Variants in RNF34 observed in about 807,000 individuals in gnomAD.
RNF34 encodes the protein E3 ubiquitin-protein ligase RNF34.
In RNF34, 12 loss-of-function variants were observed where a neutral mutation model predicts 37.9. The observed-to-expected ratio is 0.32, with a 90% CI of 0.20 to 0.51. The LOEUF is 0.51. Among genes scored for constraint, RNF34 ranks in the 20% least tolerant of loss-of-function variants. The pLI, the probability that RNF34 is intolerant of heterozygous loss-of-function variation, is 0.97. For missense variants in RNF34, 362 were observed against 472.7 expected (o/e 0.77, Z 2.17); for synonymous variants, 155 against 177.2 (o/e 0.87, Z 1.00).
intron 3 of RNF34, among the ~76,000 whole-genome samples, chr12:121,418,927 G>A (rs1428859135): frequency 6.6e-6 from 1 of 152,090 alleles, no homozygotes; most frequent in Non-Finnish European, 1.5e-5. Context: ...GGCTGGTCTC[G>A]AATACCTGAC....
chr12:121,423,729 G>T lies in RNF34; in HGVS notation c.*153G>T. ...GGGACAGAAAGATCCATCCTGAGTT[G>T]TGGAAACATTGGTCCATGCCGTGAG... On this transcript the variant is annotated 3_prime_UTR_variant, in exon 6 of 6. Coordinates refer to ENST00000361234, the MANE Select transcript of RNF34 (RefSeq NM_025126.4). This position sits in a 1 kb window ranked among gnomAD's most constrained non-coding sequence, Gnocchi z 4.3. 1 of 696,266 alleles carries T rather than the reference G, an allele frequency of 1.4e-6. No homozygotes were observed. The highest frequency in any genetic ancestry group is 2.9e-5 in the East Asian group (1 of 34,504). The allele number at this position is 696,266 out of a possible 1,614,324, so 43.1% of individuals were successfully genotyped here. A position where few individuals can be genotyped will look rare whatever the true frequency, so the allele number is the denominator to read the frequency against.
chr12:121,406,283 A>AGTTGTTGTTGTTGTTGTTGTT (rs79540358), intron 1 of RNF34, among the ~76,000 whole-genome samples: 9,116 of 150,536 alleles, frequency 0.061, 313 homozygotes, highest in Middle Eastern at 0.082. Context: ...GGAATGTGTA[A>AGTTGTTGTTGTTGTTGTTGTT]GTTGTTGTTG....
chr12:121,423,142 C>T lies in RNF34; in HGVS notation c.929-244C>T, dbSNP rs1872308470. 6.6e-6 allele frequency among the ~76,000 whole-genome samples: 1 copy of T among 152,202 alleles called. No homozygotes were observed. ...ATATAAAATAGAAATACATAGCTAA[C>T]ATTTGTTGGGTACGTCAAGCATTTT... On this transcript the variant is annotated intron_variant, in intron 5 of 5. Transcript: ENST00000361234. The surrounding 1 kb of genome is among the most constrained non-coding windows in gnomAD (Gnocchi z 4.3).
chr12:121,401,354 C>CAAAAAAAAA (rs563285897), intron 1 of RNF34, among the ~76,000 whole-genome samples: 4,623 of 76,390 alleles, frequency 0.061, 383 homozygotes, highest in African/African-American at 0.079. Context: ...CTATAGGTAT[C>CAAAAAAAAA]AAAAAAAAAA....
intron 5 of RNF34, among the ~76,000 whole-genome samples, chr12:121,421,457 G>A (rs185216751): frequency 2.0e-5 from 3 of 151,572 alleles, no homozygotes; most frequent in Non-Finnish European, 4.4e-5. Flanking sequence ...GGAGGCTGAG[G>A]GGGGAGGATT....
chr12:121,403,007 G>A (rs1483714389), intron 1 of RNF34, among the ~76,000 whole-genome samples: 3 of 152,180 alleles, frequency 2.0e-5, no homozygotes, highest in Non-Finnish European at 4.4e-5. Flanking sequence ...CTAAGAAAGA[G>A]TTAGGTCCCT....
At chr12:121,416,031 C>G in intron 1 of RNF34, 128 bp from the exon 2 acceptor site, 1 of 682,126 alleles carries the variant, frequency 1.5e-6, no homozygotes, top group African/African-American at 1.8e-5. Flanking sequence ...ATTTCAGTGC[C>G]CAGAGGAATA....
chr12:121,417,594 C>A lies in RNF34; in HGVS notation c.316C>A (p.Gln106Lys), dbSNP rs782614643. ...LRRCSTCHLL[Q>K]ETAFQRPQLM... ...TAGATGTTCTACTTGTCACTTATTA[C>A]AAGAGACAGCATTTCAGCGCCCTCA... Residue 106 changes from glutamine to lysine, a missense_variant, in exon 3 of 6, where the codon CAA becomes AAA. By Grantham distance (53) the Gln-to-Lys change is moderately conservative. Coordinates refer to ENST00000361234, the MANE Select transcript of RNF34 (RefSeq NM_025126.4). The surrounding 1 kb of genome is among the most constrained non-coding windows in gnomAD (Gnocchi z 5.0). 1.2e-6 allele frequency: 2 copies of A among 1,613,674 alleles called. No homozygotes were observed. The highest frequency in any genetic ancestry group is 1.1e-5 in the South Asian group (1 of 91,078).
At chr12:121,421,391 A>C (rs1010019907) in intron 5 of RNF34, among the ~76,000 whole-genome samples, 3 of 149,846 alleles carry the variant, frequency 2.0e-5, no homozygotes, top group Non-Finnish European at 3.0e-5. Context: ...AAAAAAAAAA[A>C]AAAAAAACCA....
chr12:121,421,458 G>T (rs868939634), intron 5 of RNF34, among the ~76,000 whole-genome samples: 15 of 151,390 alleles, frequency 9.9e-5, no homozygotes, highest in Middle Eastern at 3.4e-3. Flanking sequence ...GAGGCTGAGG[G>T]GGGAGGATTG....
chr12:121,422,625 G>A (rs1374777966), intron 5 of RNF34, among the ~76,000 whole-genome samples: 1 of 152,172 alleles, frequency 6.6e-6, no homozygotes, highest in Admixed American at 6.5e-5. Context: ...TTGAATTCCT[G>A]TTCTGTTCCA....
At chr12:121,419,012 CTT>C (rs2137118785) in intron 3 of RNF34, among the ~76,000 whole-genome samples, 1 of 152,228 alleles carries the variant, frequency 6.6e-6, no homozygotes, top group African/African-American at 2.4e-5. Context: ...CCAAGAGTGT[CTT>C]TTAATTAGTA....
chr12:121,406,827 C>A (rs782187277), intron 1 of RNF34, among the ~76,000 whole-genome samples: 1 of 152,190 alleles, frequency 6.6e-6, no homozygotes, highest in Non-Finnish European at 1.5e-5. Flanking sequence ...ACAGTTGCCT[C>A]ATTCTCTTAT....
At position 121,422,721 on chromosome 12, in the gene RNF34, G is replaced by A. The variant is rs1383084663; in HGVS notation, c.929-665G>A. Among the ~76,000 whole-genome samples the A allele has an allele frequency of 7.2e-5, 11 of 152,140 alleles. No individual in the cohort carries two copies. The East Asian group carries it at 2.1e-3, about 29-fold the overall frequency. On this transcript the variant is annotated intron_variant, in intron 5 of 5. Coordinates refer to ENST00000361234, the MANE Select transcript of RNF34 (RefSeq NM_025126.4). Reference sequence around the variant, plus strand: ...AGCCCTATGGCCAAATCTCAGGCTGGGGTTAACTTTTTTTTAACTTATTCA... The same window carrying A: ...AGCCCTATGGCCAAATCTCAGGCTGAGGTTAACTTTTTTTTAACTTATTCA...
At chr12:121,415,842 T>G (rs1555282080) in intron 1 of RNF34, among the ~76,000 whole-genome samples, 1 of 140,056 alleles carries the variant, frequency 7.1e-6, no homozygotes, top group African/African-American at 2.5e-5. Context: ...TGTCCAGTCT[T>G]TTTTTTTTTT....
intron 1 of RNF34, among the ~76,000 whole-genome samples, chr12:121,409,005 T>C (rs1352193111): frequency 2.6e-5 from 4 of 151,678 alleles, no homozygotes; most frequent in African/African-American, 9.7e-5. Context: ...GGAGTCTTGC[T>C]CGGTCACCCA....
chr12:121,400,776 G>T (rs1403312910), intron 1 of RNF34, among the ~76,000 whole-genome samples: 4 of 152,200 alleles, frequency 2.6e-5, no homozygotes, highest in Non-Finnish European at 4.4e-5. Flanking sequence ...GGCTGGATGT[G>T]CCTCCATCGC....
chr12:121,409,745 C>G (rs1160819603), intron 1 of RNF34: 5 of 152,214 alleles, frequency 3.3e-5, no homozygotes, highest in Admixed American at 1.3e-4. Context: ...CTAGGCAATT[C>G]CTTAGCAAGA....
intron 5 of RNF34, among the ~76,000 whole-genome samples, chr12:121,422,443 C>T (rs2137197481): frequency 6.6e-6 from 1 of 152,330 alleles, no homozygotes; most frequent in Non-Finnish European, 1.5e-5. Flanking sequence ...TCTTGAGTTG[C>T]CTAGTGCCTT....
Sources: gnomAD v4.1 joint callset for allele counts (sites outside exome capture counted in the v4.1 genomes callset) on GRCh38, gnomAD v4.1.1 for gene constraint, Gnocchi (gnomAD v3.1) non-coding constraint, MANE v1.5 for transcripts, NCBI Gene and HGNC (gene_info 2026-07-23, HGNC 2026-07-21) for gene names.